C8orf34: variants seen among roughly 807,000 people sequenced by gnomAD.
C8orf34 encodes uncharacterized protein C8orf34.
A neutral mutation model predicts 68.3 loss-of-function variants in C8orf34; 65 were observed. The observed-to-expected ratio is 0.95, with a 90% CI of 0.78 to 1.17. The LOEUF is 1.17. Ranked by LOEUF, C8orf34 falls within the 50% of genes most tolerant of loss-of-function variation. The pLI, the probability that C8orf34 is intolerant of heterozygous loss-of-function variation, is 0.00. For missense variants in C8orf34, 664 were observed against 655.4 expected (o/e 1.01, Z -0.14); for synonymous variants, 244 against 241.2 (o/e 1.01, Z -0.11).
At chr8:68,780,712 T>C (rs73270234) in intron 11 of C8orf34, among the ~76,000 whole-genome samples, 21,583 of 151,842 alleles carry the variant, frequency 0.14, 1,609 homozygotes, top group Middle Eastern at 0.24. Context: ...AGTCCAGGAG[T>C]TAGAGACCAG....
chr8:68,392,792 T>C (rs1313221009), intron 1 of C8orf34, among the ~76,000 whole-genome samples: 3 of 152,146 alleles, frequency 2.0e-5, no homozygotes, highest in African/African-American at 7.2e-5. Context: ...TCCTATTTTC[T>C]TCTTTCATAG....
rs569361155 is a variant in C8orf34, at chr8:68,625,817, T to A, written c.1106-14559T>A. 1.1e-4 allele frequency among the ~76,000 whole-genome samples: 16 copies of A among 152,294 alleles called. No homozygotes were observed. In the South Asian group the frequency reaches 3.3e-3, roughly 32 times the overall value. On this transcript the variant is annotated intron_variant, in intron 7 of 13. Transcript: ENST00000518698. ...TCTTTTTTAATTTATTCCAAAGTGCTGAGCATGAGATAGAAATAAAGGAAG... is the reference window on the plus strand; with the variant it reads ...TCTTTTTTAATTTATTCCAAAGTGCAGAGCATGAGATAGAAATAAAGGAAG...
rs1388632636 is a variant in C8orf34 at position 68,630,296 on chromosome 8, TATC to T, written c.1106-10077_1106-10075del. On this transcript the variant is annotated intron_variant, in intron 7 of 13. Transcript: ENST00000518698. ...ATTTAAACTGGAATATCCATAATAT[TATC>T]ATTTCAACATGTAGTCAACAGAAAA... 2.0e-5 allele frequency among the ~76,000 whole-genome samples: 3 copies of T among 152,104 alleles called. 1 individual carries two copies. The highest frequency in any genetic ancestry group is 4.1e-4 in the South Asian group (2 of 4,836).
chr8:68,377,673 T>C (rs1188673647), intron 1 of C8orf34, among the ~76,000 whole-genome samples: 1 of 152,216 alleles, frequency 6.6e-6, no homozygotes, highest in East Asian at 1.9e-4. Context: ...TAACAAAAGT[T>C]TTTTTTCAAG....
chr8:68,425,786 A>G lies in C8orf34; in HGVS notation c.328-13713A>G, dbSNP rs77624822. 1.1e-4 allele frequency among the ~76,000 whole-genome samples: 16 copies of G among 152,176 alleles called. 1 individual carries two copies. The East Asian group carries it at 2.7e-3, about 26-fold the overall frequency. On this transcript the variant is annotated intron_variant, in intron 1 of 13. Transcript: ENST00000518698. ...TCTTCCTGATTTCAAAGGATAAGAT[A>G]TGACTACAGAAATCAAGACATAGTG...
chr8:68,623,640 G>T (rs774619305), intron 7 of C8orf34, among the ~76,000 whole-genome samples: 2 of 152,148 alleles, frequency 1.3e-5, no homozygotes, highest in Non-Finnish European at 2.9e-5. Flanking sequence ...AGTTGTGGAG[G>T]CTGGAAGTTT....
At chr8:68,465,205 C>T (rs1011314766) in intron 3 of C8orf34, among the ~76,000 whole-genome samples, 7 of 152,200 alleles carry the variant, frequency 4.6e-5, no homozygotes, top group Admixed American at 4.6e-4. Flanking sequence ...AAAAAATGCT[C>T]ACCATCACTG....
chr8:68,682,407 T>C (rs1220248395), intron 8 of C8orf34, among the ~76,000 whole-genome samples: 2 of 152,134 alleles, frequency 1.3e-5, no homozygotes, highest in Non-Finnish European at 2.9e-5. Flanking sequence ...CAGATTTAGA[T>C]TGGTGCCTTC....
chr8:68,416,490 GTATTT>G (rs1308848015), intron 1 of C8orf34, among the ~76,000 whole-genome samples: 6 of 151,254 alleles, frequency 4.0e-5, no homozygotes, highest in Non-Finnish European at 7.4e-5. Flanking sequence ...ATATGAATTA[GTATTT>G]TATTTTATTA....
chr8:68,554,730 C>T (rs988625779), intron 7 of C8orf34, among the ~76,000 whole-genome samples: 3 of 152,032 alleles, frequency 2.0e-5, no homozygotes, highest in African/African-American at 7.2e-5. Context: ...GCAAATGAGG[C>T]TCAAAGACAT....
chr8:68,382,578 A>G (rs961945691), intron 1 of C8orf34, among the ~76,000 whole-genome samples: 1 of 152,134 alleles, frequency 6.6e-6, no homozygotes, highest in African/African-American at 2.4e-5. Context: ...ATTTCCCATC[A>G]TTCCTGGCCT....
At chr8:68,335,207 C>G (rs1805798936) in intron 1 of C8orf34, among the ~76,000 whole-genome samples, 1 of 152,120 alleles carries the variant, frequency 6.6e-6, no homozygotes, top group South Asian at 2.1e-4. Context: ...ATACTAGTTA[C>G]TCACTTATGG....
intron 4 of C8orf34, among the ~76,000 whole-genome samples, chr8:68,471,412 A>T (rs996129872): frequency 6.6e-6 from 1 of 152,190 alleles, no homozygotes; most frequent in African/African-American, 2.4e-5. Context: ...TGCCCTGGTC[A>T]GTACACATGA....
intron 1 of C8orf34, among the ~76,000 whole-genome samples, chr8:68,379,030 A>G (rs1398397676): frequency 6.6e-6 from 1 of 152,222 alleles, no homozygotes; most frequent in Non-Finnish European, 1.5e-5. Context: ...GTATATTATT[A>G]AATGCTTTTC....
chr8:68,760,657 T>C (rs1822999395), intron 10 of C8orf34, among the ~76,000 whole-genome samples: 1 of 152,202 alleles, frequency 6.6e-6, no homozygotes, highest in Non-Finnish European at 1.5e-5. Flanking sequence ...TAACTCACAG[T>C]AGGTTTTTTT....
At chr8:68,789,423 C>A (rs1823931287) in intron 12 of C8orf34, among the ~76,000 whole-genome samples, 1 of 152,180 alleles carries the variant, frequency 6.6e-6, no homozygotes, top group African/African-American at 2.4e-5. Context: ...ATTTAGTCTT[C>A]TTTTCTTTTC....
chr8:68,810,677 T>C (rs1824623079), intron 12 of C8orf34, among the ~76,000 whole-genome samples: 1 of 152,028 alleles, frequency 6.6e-6, no homozygotes, highest in African/African-American at 2.4e-5. Flanking sequence ...AAGAAGTGCT[T>C]TATGGAGTGC....
chr8:68,771,503 A>G (rs1823334211), intron 10 of C8orf34, among the ~76,000 whole-genome samples: 1 of 152,152 alleles, frequency 6.6e-6, no homozygotes. Context: ...AGTGCGTGGT[A>G]TAATTGGTGC....
chr8:68,393,597 AT>A (rs1405734835), intron 1 of C8orf34, among the ~76,000 whole-genome samples: 2 of 151,832 alleles, frequency 1.3e-5, no homozygotes, highest in Non-Finnish European at 2.9e-5. Context: ...TGGCAAAAAA[AT>A]AGAGAAAGAG....
Sources: gnomAD v4.1 joint callset for allele counts (sites outside exome capture counted in the v4.1 genomes callset) on GRCh38, gnomAD v4.1.1 for gene constraint, MANE v1.5 for transcripts, NCBI Gene and HGNC (gene_info 2026-07-23, HGNC 2026-07-21) for gene names.